The following TCAIM variants were observed in gnomAD, a reference collection of about 807,000 sequenced individuals.
TCAIM encodes T-cell activation inhibitor, mitochondrial.
Under a neutral mutation model 58.6 loss-of-function variants are expected in TCAIM, and 36 were observed. The observed-to-expected ratio is 0.61, with a 90% CI of 0.47 to 0.81. The LOEUF is 0.81. Ranked by LOEUF, TCAIM falls within the 30% of genes least tolerant of loss-of-function variation. The probability of loss-of-function intolerance (pLI) is 0.00; values close to 1 mark genes in which losing one functional copy is unlikely to be tolerated. For missense variants in TCAIM, 466 were observed against 579.6 expected, an observed-to-expected ratio of 0.80 and a Z score of 2.01; for synonymous variants, 172 against 193.6, an observed-to-expected ratio of 0.89 and a Z score of 0.93.
At chr3:44,368,017 A>G in intron 5 of TCAIM, 1 of 262,734 alleles carries the variant, frequency 3.8e-6, no homozygotes, top group Non-Finnish European at 7.3e-6. Context: ...TATTCAAGTT[A>G]CCCCCGGTAC....
intron 5 of TCAIM, among the ~76,000 whole-genome samples, chr3:44,382,490 C>T (rs1480619563): frequency 1.3e-5 from 2 of 152,126 alleles, no homozygotes; most frequent in Non-Finnish European, 2.9e-5. Flanking sequence ...AATGCCAAGA[C>T]CACTGAATGG....
intron 1 of TCAIM, among the ~76,000 whole-genome samples, chr3:44,345,691 A>G (rs936032013): frequency 4.6e-5 from 7 of 152,162 alleles, no homozygotes. Flanking sequence ...AGAGGGTGGC[A>G]TAAGAACGGG....
At chr3:44,405,296 A>G (rs1702082853) in intron 10 of TCAIM, among the ~76,000 whole-genome samples, 1 of 152,192 alleles carries the variant, frequency 6.6e-6, no homozygotes, top group Admixed American at 6.5e-5. Context: ...AAATTTTAAA[A>G]TCACTTAAAT....
At chr3:44,354,902 A>G in intron 2 of TCAIM, 91 bp downstream of exon 2, 2 of 1,437,098 alleles carry the variant, frequency 1.4e-6, no homozygotes, top group Non-Finnish European at 1.9e-6. Context: ...TTATTTTTCC[A>G]ATTCTGAAGT....
At chr3:44,353,472 G>A (rs1235652396) in intron 1 of TCAIM, among the ~76,000 whole-genome samples, 1 of 152,208 alleles carries the variant, frequency 6.6e-6, no homozygotes, top group Non-Finnish European at 1.5e-5. Flanking sequence ...TATGGTAAGA[G>A]TATGTTTAGT....
At chr3:44,387,211 G>A (rs1049871986) in intron 5 of TCAIM, among the ~76,000 whole-genome samples, 3 of 152,166 alleles carry the variant, frequency 2.0e-5, no homozygotes, top group Non-Finnish European at 4.4e-5. Context: ...CTGGACACTC[G>A]TGGGGACAAC....
rs1348730873 is a variant in TCAIM at position 44,379,368 on chromosome 3, G to A, written c.572+11660G>A. Among the ~76,000 whole-genome samples the A allele has an allele frequency of 2.6e-5, 4 of 152,034 alleles. No homozygotes were observed. The East Asian group carries it at 7.7e-4, about 29-fold the overall frequency. On this transcript the variant is annotated intron_variant, in intron 5 of 10. Transcript: ENST00000342649. Reference sequence around the variant, plus strand: ...ATTCAACCCAGTAATCTCACTACGGGGTTTATACCCAAAGGAATATAAATC... The same window carrying A: ...ATTCAACCCAGTAATCTCACTACGGAGTTTATACCCAAAGGAATATAAATC...
chr3:44,348,185 A>T (rs528811166), intron 1 of TCAIM, among the ~76,000 whole-genome samples: 6 of 151,994 alleles, frequency 3.9e-5, no homozygotes, highest in Admixed American at 3.3e-4. Context: ...TAGCCTCTGT[A>T]TTAAGAAGGG....
intron 2 of TCAIM, among the ~76,000 whole-genome samples, chr3:44,356,250 G>A (rs1701188084): frequency 6.6e-6 from 1 of 152,186 alleles, no homozygotes. Context: ...GGTTGGGCCA[G>A]GCACAGTGGC....
At chr3:44,360,504 A>G (rs1701277741) in intron 3 of TCAIM, among the ~76,000 whole-genome samples, 1 of 152,126 alleles carries the variant, frequency 6.6e-6, no homozygotes, top group African/African-American at 2.4e-5. Context: ...GGTTTAAAAA[A>G]AAAATCAAAA....
chr3:44,376,517 G>A (rs959593086), intron 5 of TCAIM, among the ~76,000 whole-genome samples: 4 of 151,922 alleles, frequency 2.6e-5, no homozygotes, highest in Non-Finnish European at 5.9e-5. Context: ...ATAACTTTAG[G>A]ATGTTAAATG....
chr3:44,390,057 A>G (rs1014712072), intron 5 of TCAIM, among the ~76,000 whole-genome samples: 1 of 152,172 alleles, frequency 6.6e-6, no homozygotes, highest in African/African-American at 2.4e-5. Context: ...TTCTTTTCTC[A>G]TAATAGTTCT....
intron 1 of TCAIM, among the ~76,000 whole-genome samples, chr3:44,350,197 C>T (rs1001115995): frequency 2.0e-5 from 3 of 152,014 alleles, no homozygotes; most frequent in Admixed American, 1.3e-4. Context: ...TACAGTCAAA[C>T]GGGGTTGTTC....
intron 8 of TCAIM, among the ~76,000 whole-genome samples, 196 bp downstream of exon 8, chr3:44,397,030 C>G (rs1365280465): frequency 6.6e-6 from 1 of 152,142 alleles, no homozygotes; most frequent in African/African-American, 2.4e-5. Flanking sequence ...AGAGGAAAGA[C>G]TGATTTTTAA....
intron 8 of TCAIM, among the ~76,000 whole-genome samples, chr3:44,399,047 G>GGGAT (rs1701983297): frequency 6.6e-6 from 1 of 152,194 alleles, no homozygotes; most frequent in Admixed American, 6.5e-5. Flanking sequence ...TGCTATAAAC[G>GGGAT]GGATCCCTGT....
At chr3:44,407,343 G>C (rs1242940696) in intron 10 of TCAIM, 99 bp from the exon 11 acceptor site, 17 of 1,042,060 alleles carry the variant, frequency 1.6e-5, no homozygotes, top group South Asian at 4.0e-5. Flanking sequence ...TGCACAGTTA[G>C]GGCCCCAACA....
chr3:44,371,034 C>T (rs1032719367), intron 5 of TCAIM, among the ~76,000 whole-genome samples: 1 of 151,624 alleles, frequency 6.6e-6, no homozygotes, highest in Non-Finnish European at 1.5e-5. Context: ...CTCAGCCTCC[C>T]GAGTTGCTGG....
intron 2 of TCAIM, among the ~76,000 whole-genome samples, chr3:44,355,105 A>T (rs1272828633): frequency 2.0e-5 from 3 of 152,348 alleles, no homozygotes; most frequent in Middle Eastern, 3.4e-3. Context: ...TGTTTCAAGC[A>T]TCTAGGGCAC....
intron 5 of TCAIM, among the ~76,000 whole-genome samples, chr3:44,384,057 A>C (rs982721379): frequency 5.3e-5 from 8 of 152,184 alleles, no homozygotes; most frequent in Admixed American, 3.9e-4. Flanking sequence ...AGTCTGGCTT[A>C]CTTGGTATTT....
Sources: gnomAD v4.1 joint callset for allele counts (sites outside exome capture counted in the v4.1 genomes callset) on GRCh38, gnomAD v4.1.1 for gene constraint, MANE v1.5 for transcripts, NCBI Gene and HGNC (gene_info 2026-07-23, HGNC 2026-07-21) for gene names.